Variants in HS3ST4 observed in about 807,000 individuals in gnomAD.
HS3ST4 encodes the protein heparan sulfate-glucosamine 3-sulfotransferase 4, also known as heparan sulfate glucosamine 3-O-sulfotransferase 4.
Under a neutral mutation model 29.2 loss-of-function variants are expected in HS3ST4, and 17 were observed. The observed-to-expected ratio is 0.58, with a 90% confidence interval of 0.40 to 0.87. The LOEUF (loss-of-function observed/expected upper bound fraction) is 0.87. Ranked by LOEUF, HS3ST4 falls within the 40% of genes least tolerant of loss-of-function variation. HS3ST4 has a pLI of 0.00. For missense variants in HS3ST4, 627 were observed against 634.5 expected (o/e 0.99, Z 0.13); for synonymous variants, 314 against 285.7 (o/e 1.10, Z -1.00).
chr16:25,760,528 C>A (rs981651141), intron 1 of HS3ST4, among the ~76,000 whole-genome samples: 2 of 150,362 alleles, frequency 1.3e-5, no homozygotes, highest in South Asian at 4.2e-4. Flanking sequence ...AAGCAGTTTT[C>A]CCACCTCAGT....
intron 1 of HS3ST4, among the ~76,000 whole-genome samples, chr16:25,831,265 C>T (rs576685989): frequency 3.3e-5 from 5 of 152,130 alleles, no homozygotes; most frequent in Non-Finnish European, 5.9e-5. Context: ...TAATCACCCT[C>T]ACTTACTTGC....
rs555188384 is a variant in HS3ST4, at chr16:25,701,289, C to T, written c.734+8138C>T. Among the ~76,000 whole-genome samples, 23 of 152,304 alleles carry T rather than the reference C, an allele frequency of 1.5e-4. 1 individual carries two copies. In the South Asian group the frequency reaches 4.8e-3, roughly 32 times the overall value. On this transcript the variant is annotated intron_variant, in intron 1 of 1. Transcript: ENST00000331351. ...AGATGCCTTGGGCCCAGGTTGGGTC[C>T]TGTGCCCCATTCCTAAAGCAATAAT...
intron 1 of HS3ST4, among the ~76,000 whole-genome samples, chr16:26,006,749 A>T (rs1969262471): frequency 6.6e-6 from 1 of 152,206 alleles, no homozygotes; most frequent in Non-Finnish European, 1.5e-5. Context: ...GTAATTGGAG[A>T]AGTTGCAAAT....
At chr16:25,902,409 T>C (rs917193637) in intron 1 of HS3ST4, among the ~76,000 whole-genome samples, 1 of 151,922 alleles carries the variant, frequency 6.6e-6, no homozygotes, top group Non-Finnish European at 1.5e-5. Flanking sequence ...GGTGGGAGGA[T>C]TGCTCAAGGC....
At chr16:26,092,841 G>A (rs1207969149) in intron 1 of HS3ST4, among the ~76,000 whole-genome samples, 1 of 152,100 alleles carries the variant, frequency 6.6e-6, no homozygotes, top group Middle Eastern at 3.2e-3. Context: ...CCTAGCCAGG[G>A]AAGCCATGAC....
chr16:25,744,269 A>G (rs1452201795), intron 1 of HS3ST4, among the ~76,000 whole-genome samples: 2 of 152,212 alleles, frequency 1.3e-5, no homozygotes, highest in Non-Finnish European at 2.9e-5. Context: ...TTTTAAATTC[A>G]GCCTGATTTC....
intron 1 of HS3ST4, among the ~76,000 whole-genome samples, chr16:25,696,849 T>A (rs1377658769): frequency 6.6e-6 from 1 of 152,240 alleles, no homozygotes; most frequent in Admixed American, 6.5e-5. Context: ...ATGCCTGCCA[T>A]TGTGGCAATT....
At chr16:25,911,073 C>T (rs560861296) in intron 1 of HS3ST4, among the ~76,000 whole-genome samples, 3 of 152,240 alleles carry the variant, frequency 2.0e-5, no homozygotes, top group Admixed American at 6.5e-5. Context: ...TAAATAGTGA[C>T]GTTGCTGCAG....
At chr16:25,731,230 T>G (rs4787747) in intron 1 of HS3ST4, among the ~76,000 whole-genome samples, 97,624 of 152,136 alleles carry the variant, frequency 0.64, 31,700 homozygotes, top group Non-Finnish European at 0.69. Flanking sequence ...GATTGAAATG[T>G]CATGGCCCAG....
intron 1 of HS3ST4, among the ~76,000 whole-genome samples, chr16:25,892,506 G>T (rs945213486): frequency 6.6e-6 from 1 of 152,188 alleles, no homozygotes; most frequent in Admixed American, 6.5e-5. Context: ...ACAAAGCCTT[G>T]TTCAAATATG....
At chr16:25,784,775 T>C (rs1966855912) in intron 1 of HS3ST4, among the ~76,000 whole-genome samples, 2 of 152,166 alleles carry the variant, frequency 1.3e-5, no homozygotes. Context: ...CTGCAGCAAA[T>C]TATCTAGAAG....
At chr16:25,789,494 TTC>T (rs1966864355) in intron 1 of HS3ST4, among the ~76,000 whole-genome samples, 1 of 150,138 alleles carries the variant, frequency 6.7e-6, no homozygotes, top group Non-Finnish European at 1.5e-5. Context: ...CTTTCCTTCT[TTC>T]TTTCTTTCTC....
At chr16:25,705,011 C>T (rs1434905036) in intron 1 of HS3ST4, among the ~76,000 whole-genome samples, 1 of 152,162 alleles carries the variant, frequency 6.6e-6, no homozygotes, top group Non-Finnish European at 1.5e-5. Context: ...TGAGCCACCG[C>T]ACCCGGCCCT....
chr16:25,775,165 C>T (rs535245952), intron 1 of HS3ST4, among the ~76,000 whole-genome samples: 16 of 152,300 alleles, frequency 1.1e-4, no homozygotes, highest in East Asian at 5.8e-4. Flanking sequence ...ACCTTGGCGA[C>T]GCTGTCTGTT....
intron 1 of HS3ST4, among the ~76,000 whole-genome samples, chr16:25,800,564 T>C (rs12149364): frequency 0.34 from 51,261 of 152,090 alleles, 9,332 homozygotes; most frequent in Non-Finnish European, 0.39. Flanking sequence ...TCTGAAACGC[T>C]ACCCTAAGAC....
rs201656635 is a variant in HS3ST4 at position 25,888,794 on chromosome 16, AAAC to A, written c.734+195662_734+195664del. Among the ~76,000 whole-genome samples, 1,208 of 152,278 alleles carry A rather than the reference AAAC, an allele frequency of 7.9e-3. 6 individuals are homozygous for A. The highest frequency in any genetic ancestry group is 0.014 in the Non-Finnish European group (951 of 68,006). On this transcript the variant is annotated intron_variant, in intron 1 of 1. Transcript: ENST00000331351. ...ACAAGAGGTATTCACAACAACAACA[AAAC>A]AACAACAACAACAACAACTCTGAAA...
intron 1 of HS3ST4, among the ~76,000 whole-genome samples, chr16:25,793,654 A>G (rs1029850669): frequency 1.3e-5 from 2 of 151,860 alleles, no homozygotes; most frequent in African/African-American, 2.4e-5. Context: ...CTTACTGTCA[A>G]CCTTTATTTG....
chr16:25,767,128 T>C (rs2141609172), intron 1 of HS3ST4, among the ~76,000 whole-genome samples: 1 of 152,378 alleles, frequency 6.6e-6, no homozygotes, highest in South Asian at 2.1e-4. Context: ...TTTCTGCCTT[T>C]AAATTCCCAT....
chr16:25,819,875 G>A (rs1596580803), intron 1 of HS3ST4, among the ~76,000 whole-genome samples: 1 of 151,334 alleles, frequency 6.6e-6, no homozygotes. Context: ...TCCGGGAATG[G>A]TGGTGGGCGC....
Sources: gnomAD v4.1 joint callset for allele counts (sites outside exome capture counted in the v4.1 genomes callset) on GRCh38, gnomAD v4.1.1 for gene constraint, MANE v1.5 for transcripts, NCBI Gene and HGNC (gene_info 2026-07-23, HGNC 2026-07-21) for gene names.